PRKG1: variants seen among roughly 807,000 people sequenced by gnomAD.
PRKG1 encodes the protein cGMP-dependent protein kinase 1.
In PRKG1, 35 loss-of-function variants were observed where a neutral mutation model predicts 88.1. That is an observed-to-expected ratio of 0.40 (90% CI 0.30 to 0.53). The LOEUF is 0.53. PRKG1 is among the 20% of genes least tolerant of loss of function. The pLI, the probability that PRKG1 is intolerant of heterozygous loss-of-function variation, is 0.59. For missense variants in PRKG1, 540 were observed against 839.8 expected (o/e 0.64, Z 4.41); for synonymous variants, 303 against 292.5 (o/e 1.04, Z -0.37).
At chr10:52,000,800 C>T (rs567010302) in intron 5 of PRKG1, among the ~76,000 whole-genome samples, 1 of 152,084 alleles carries the variant, frequency 6.6e-6, no homozygotes, top group Admixed American at 6.6e-5. Context: ...TCTTAATTGC[C>T]AGAGTATCAA....
chr10:51,947,867 A>T (rs151196156), intron 5 of PRKG1, among the ~76,000 whole-genome samples: 9,379 of 152,166 alleles, frequency 0.062, 704 homozygotes, highest in African/African-American at 0.18. Flanking sequence ...ATGACCAGGA[A>T]GTCAGGAGAT....
At chr10:52,208,527 T>G (rs543500033) in intron 9 of PRKG1, among the ~76,000 whole-genome samples, 1 of 152,228 alleles carries the variant, frequency 6.6e-6, no homozygotes, top group South Asian at 2.1e-4. Context: ...GCTGAGTTCA[T>G]CTTTAAATCA....
chr10:51,908,268 T>C (rs1291864731), intron 5 of PRKG1: 1 of 152,166 alleles, frequency 6.6e-6, no homozygotes, highest in Non-Finnish European at 1.5e-5. Flanking sequence ...AGAGATACAT[T>C]GGTGGTGTAG....
intron 3 of PRKG1, among the ~76,000 whole-genome samples, chr10:51,703,658 C>T (rs1303600653): frequency 6.6e-6 from 1 of 152,078 alleles, no homozygotes; most frequent in African/African-American, 2.4e-5. Flanking sequence ...AATAGTCTGC[C>T]AGAAAAGAAG....
chr10:51,933,308 G>T (rs1290008589), intron 5 of PRKG1, among the ~76,000 whole-genome samples: 1 of 151,898 alleles, frequency 6.6e-6, no homozygotes, highest in Non-Finnish European at 1.5e-5. Context: ...TTTTTCAAGA[G>T]AATTAAATCA....
At chr10:51,011,042 T>C (rs183354247) in intron 1 of PRKG1, among the ~76,000 whole-genome samples, 2 of 152,334 alleles carry the variant, frequency 1.3e-5, no homozygotes, top group African/African-American at 4.8e-5. Context: ...GATTCTCCAG[T>C]GGATCCTAGC....
At chr10:52,278,065 C>T (rs1841916276) in intron 12 of PRKG1, among the ~76,000 whole-genome samples, 1 of 152,106 alleles carries the variant, frequency 6.6e-6, no homozygotes, top group African/African-American at 2.4e-5. Context: ...ATCTATCCAT[C>T]TGACAAAGGG....
chr10:52,268,831 A>G (rs190949659), intron 10 of PRKG1, among the ~76,000 whole-genome samples: 186 of 152,198 alleles, frequency 1.2e-3, no homozygotes, highest in African/African-American at 4.3e-3. Context: ...ATTGCTGGGT[A>G]CAAGCAGAGT....
chr10:51,005,508 A>G (rs1175619035), intron 1 of PRKG1, among the ~76,000 whole-genome samples: 2 of 152,220 alleles, frequency 1.3e-5, no homozygotes, highest in African/African-American at 4.8e-5. Flanking sequence ...AAATTGGAAC[A>G]ATAGGACAAA....
At chr10:51,619,061 G>A (rs1287830032) in intron 3 of PRKG1, among the ~76,000 whole-genome samples, 2 of 151,536 alleles carry the variant, frequency 1.3e-5, no homozygotes, top group Non-Finnish European at 2.9e-5. Flanking sequence ...ACAGGCGTAA[G>A]CCACCATGGC....
intron 7 of PRKG1, among the ~76,000 whole-genome samples, chr10:52,078,931 G>A (rs1846699136): frequency 1.3e-5 from 2 of 152,210 alleles, no homozygotes; most frequent in South Asian, 4.1e-4. Context: ...TTCAGAAATG[G>A]ATCATGGATC....
intron 1 of PRKG1, chr10:51,062,797 T>G (rs1429622658): frequency 6.6e-6 from 1 of 152,150 alleles, no homozygotes; most frequent in Non-Finnish European, 1.5e-5. Context: ...TGATTTTTTA[T>G]TTTTAGTAGA....
At position 52,074,909 on chromosome 10, in the gene PRKG1, A is replaced by G. The variant is rs150105805; in HGVS notation, c.935+12278A>G. On this transcript the variant is annotated intron_variant, in intron 7 of 17. Coordinates refer to ENST00000373980, the MANE Select transcript of PRKG1 (RefSeq NM_006258.4). ...CATTTGCAACTGTATTTGGCATTGC[A>G]TGGTTCTTATTCCTTGTTCATACAA... 3.1e-3 allele frequency among the ~76,000 whole-genome samples: 473 copies of G among 152,348 alleles called. 2 individuals are homozygous for G. Among genetic ancestry groups the G allele is most frequent in the African/African-American group, 0.01 (426 of 41,582 alleles).
chr10:51,812,962 G>A (rs192960060), intron 4 of PRKG1, among the ~76,000 whole-genome samples: 2 of 152,084 alleles, frequency 1.3e-5, no homozygotes, highest in African/African-American at 2.4e-5. Flanking sequence ...CATCTTCAAG[G>A]TTCTCCTCTC....
chr10:52,163,713 G>A (rs528037725), intron 9 of PRKG1, among the ~76,000 whole-genome samples: 4 of 152,240 alleles, frequency 2.6e-5, no homozygotes, highest in Non-Finnish European at 2.9e-5. Context: ...AAAGATAACT[G>A]TGTGTACATC....
At chr10:52,023,936 T>A (rs1564434395) in intron 5 of PRKG1, among the ~76,000 whole-genome samples, 1 of 152,236 alleles carries the variant, frequency 6.6e-6, no homozygotes, top group East Asian at 1.9e-4. Context: ...ATTTGTCTAT[T>A]TTAGCTTTTG....
intron 3 of PRKG1, among the ~76,000 whole-genome samples, chr10:51,802,420 G>A (rs1474304513): frequency 6.6e-6 from 1 of 152,046 alleles, no homozygotes; most frequent in East Asian, 1.9e-4. Context: ...TGAAATTATT[G>A]AATTCTGTCA....
At chr10:51,773,103 T>C (rs1235781958) in intron 3 of PRKG1, among the ~76,000 whole-genome samples, 3 of 152,096 alleles carry the variant, frequency 2.0e-5, no homozygotes, top group Non-Finnish European at 4.4e-5. Flanking sequence ...TAAATTACAA[T>C]TCCAGCTTGG....
At chr10:51,944,639 A>G (rs1441951352) in intron 5 of PRKG1, among the ~76,000 whole-genome samples, 1 of 151,916 alleles carries the variant, frequency 6.6e-6, no homozygotes, top group Non-Finnish European at 1.5e-5. Flanking sequence ...TGTCCCAGAG[A>G]TTCTGGTATG....
Sources: allele counts gnomAD v4.1 joint callset (sites outside exome capture counted in the v4.1 genomes callset), GRCh38; gene constraint gnomAD v4.1.1; transcripts MANE v1.5; gene names NCBI Gene and HGNC (gene_info 2026-07-23, HGNC 2026-07-21).